Variants in TRPM8 observed in about 807,000 individuals in gnomAD.
TRPM8 encodes transient receptor potential cation channel subfamily M member 8.
A neutral mutation model predicts 133.7 loss-of-function variants in TRPM8; 110 were observed. The observed-to-expected ratio is 0.82, with a 90% CI of 0.70 to 0.96. TRPM8 has a LOEUF of 0.96. Ranked by LOEUF, TRPM8 falls within the 40% of genes least tolerant of loss-of-function variation. The probability of loss-of-function intolerance (pLI) is 0.00; values close to 1 mark genes in which losing one functional copy is unlikely to be tolerated. For missense variants in TRPM8, 1,291 were observed against 1,379.5 expected (o/e 0.94, Z 1.02); for synonymous variants, 535 against 532.3 (o/e 1.01, Z -0.07).
intron 5 of TRPM8, among the ~76,000 whole-genome samples, chr2:233,942,028 C>T (rs1032266578): frequency 6.6e-6 from 1 of 151,622 alleles, no homozygotes; most frequent in Admixed American, 6.6e-5. Context: ...CGACCCACCT[C>T]CCAGAGAGCC....
intron 21 of TRPM8, among the ~76,000 whole-genome samples, chr2:233,993,402 T>C (rs991878685): frequency 6.6e-6 from 1 of 152,196 alleles, no homozygotes; most frequent in Admixed American, 6.5e-5. Flanking sequence ...GCCTTATTCA[T>C]GGGCACTGGC....
At chr2:234,008,300 A>G (rs895452113) in intron 24 of TRPM8, among the ~76,000 whole-genome samples, 197 bp downstream of exon 24, 1 of 152,168 alleles carries the variant, frequency 6.6e-6, no homozygotes, top group Non-Finnish European at 1.5e-5. Context: ...TTGAAGTCCC[A>G]CTTCCATGAT....
At chr2:233,935,235 A>G (rs577408980) in intron 3 of TRPM8, among the ~76,000 whole-genome samples, 182 of 152,212 alleles carry the variant, frequency 1.2e-3, no homozygotes, top group Non-Finnish European at 2.2e-3. Context: ...AGCAAATGCT[A>G]ACAGGATTTC....
At chr2:233,956,832 G>C (rs1230762136) in intron 11 of TRPM8, among the ~76,000 whole-genome samples, 9 of 152,198 alleles carry the variant, frequency 5.9e-5, no homozygotes, top group Admixed American at 5.9e-4. Flanking sequence ...GCTTTAATTA[G>C]TGGAGGGAAA....
chr2:233,992,129 T>C (rs2125330468), intron 21 of TRPM8, among the ~76,000 whole-genome samples: 1 of 152,328 alleles, frequency 6.6e-6, no homozygotes, highest in Non-Finnish European at 1.5e-5. Context: ...TTATGTTTTT[T>C]CAGTGACTAC....
At chr2:233,977,093 C>A (rs1483069314) in intron 17 of TRPM8, among the ~76,000 whole-genome samples, 3 of 152,126 alleles carry the variant, frequency 2.0e-5, no homozygotes, top group African/African-American at 7.2e-5. Context: ...GTACCTGTGT[C>A]CCTTTGCCTG....
intron 5 of TRPM8, among the ~76,000 whole-genome samples, chr2:233,940,233 A>G (rs1331741094): frequency 1.3e-5 from 2 of 151,800 alleles, no homozygotes; most frequent in Non-Finnish European, 2.9e-5. Flanking sequence ...TTTTACGCAG[A>G]ATTAATATTG....
intron 22 of TRPM8, among the ~76,000 whole-genome samples, chr2:234,003,601 C>G (rs940424260): frequency 2.0e-5 from 3 of 152,198 alleles, no homozygotes; most frequent in Non-Finnish European, 4.4e-5. Context: ...TGGGAGAAGT[C>G]TTAGGGGGCC....
At chr2:233,928,056 A>G (rs1574691541) in intron 2 of TRPM8, among the ~76,000 whole-genome samples, 1 of 136,030 alleles carries the variant, frequency 7.4e-6, no homozygotes. Context: ...TGCAAACTCC[A>G]CCTCCCAGGT....
intron 17 of TRPM8, among the ~76,000 whole-genome samples, chr2:233,977,318 G>A (rs1691895066): frequency 6.6e-6 from 1 of 152,174 alleles, no homozygotes; most frequent in Non-Finnish European, 1.5e-5. Flanking sequence ...TAGTGTCCTG[G>A]GATTTTATGA....
chr2:233,930,261 T>G (rs1691653503), intron 2 of TRPM8, among the ~76,000 whole-genome samples: 1 of 152,230 alleles, frequency 6.6e-6, no homozygotes, highest in Non-Finnish European at 1.5e-5. Context: ...TAAATACATT[T>G]ATGAACGGTT....
intron 21 of TRPM8, 41 bp downstream of exon 21, chr2:233,985,906 C>T: frequency 1.3e-6 from 2 of 1,562,470 alleles, no homozygotes; most frequent in Non-Finnish European, 1.7e-6. Context: ...CCACCCTGGG[C>T]CAAGCCCCAT....
chr2:233,979,675 C>T (rs1691957775), intron 17 of TRPM8, among the ~76,000 whole-genome samples: 1 of 152,256 alleles, frequency 6.6e-6, no homozygotes. Flanking sequence ...GCGACCACAT[C>T]TGTCCTCACA....
chr2:233,974,118 C>A (rs1009660646), intron 17 of TRPM8, among the ~76,000 whole-genome samples: 10 of 152,224 alleles, frequency 6.6e-5, no homozygotes, highest in Admixed American at 6.5e-4. Flanking sequence ...CCCAACACCC[C>A]CTACCTCTCA....
intron 15 of TRPM8, 24 bp downstream of exon 15, chr2:233,966,779 C>A: frequency 6.6e-7 from 1 of 1,503,774 alleles, no homozygotes; most frequent in South Asian, 1.3e-5. Flanking sequence ...AGCCACCAGA[C>A]CACACGGCCA....
intron 24 of TRPM8, among the ~76,000 whole-genome samples, chr2:234,012,806 C>CT (rs1041322261): frequency 6.0e-5 from 9 of 150,476 alleles, no homozygotes; most frequent in Admixed American, 6.6e-5. Context: ...TGTTGAGAGT[C>CT]TTTTTTTTTC....
intron 17 of TRPM8, among the ~76,000 whole-genome samples, chr2:233,977,303 T>C (rs1691894741): frequency 6.6e-6 from 1 of 152,212 alleles, no homozygotes; most frequent in Admixed American, 6.5e-5. Context: ...ACAGATATGA[T>C]GAAATAGTGT....
intron 13 of TRPM8, among the ~76,000 whole-genome samples, chr2:233,963,788 A>G (rs1370694955): frequency 6.6e-6 from 1 of 152,208 alleles, no homozygotes; most frequent in Non-Finnish European, 1.5e-5. Context: ...TAAATGGTTT[A>G]TGGACACTCA....
chr2:233,945,547 G>A (rs575928168), intron 6 of TRPM8, among the ~76,000 whole-genome samples: 3 of 152,174 alleles, frequency 2.0e-5, no homozygotes, highest in Admixed American at 6.5e-5. Context: ...TTTGAATTTC[G>A]TTGAATTTAT....
Sources: allele counts gnomAD v4.1 joint callset (sites outside exome capture counted in the v4.1 genomes callset), GRCh38; gene constraint gnomAD v4.1.1; transcripts MANE v1.5; gene names NCBI Gene and HGNC (gene_info 2026-07-23, HGNC 2026-07-21).